Variants in CTDSPL2 observed in about 807,000 individuals in gnomAD.
The protein encoded by CTDSPL2 is CTD small phosphatase like 2.
CTDSPL2 carries 5 observed loss-of-function variants against 60.0 expected under a neutral mutation model. That is an observed-to-expected ratio of 0.08 (90% confidence interval 0.04 to 0.18). The LOEUF is 0.18. Ranked by LOEUF, CTDSPL2 falls within the 10% of genes least tolerant of loss-of-function variation. CTDSPL2 has a pLI of 1.00. For missense variants in CTDSPL2, 370 were observed against 548.8 expected, an observed-to-expected ratio of 0.67 and a Z score of 3.26; for synonymous variants, 186 against 189.3, an observed-to-expected ratio of 0.98 and a Z score of 0.14.
intron 1 of CTDSPL2, among the ~76,000 whole-genome samples, chr15:44,430,808 G>T (rs372143682): frequency 6.6e-6 from 1 of 151,648 alleles, no homozygotes. Context: ...GGCTACAGGG[G>T]GTCATTTGCT....
At chr15:44,478,776 G>A (rs1484721041) in intron 2 of CTDSPL2, among the ~76,000 whole-genome samples, 1 of 152,034 alleles carries the variant, frequency 6.6e-6, no homozygotes, top group East Asian at 1.9e-4. Flanking sequence ...CAGGTCAGGA[G>A]TTCAAGACCA....
At chr15:44,520,846 TATC>T (rs938743499) in intron 11 of CTDSPL2, 1 of 152,220 alleles carries the variant, frequency 6.6e-6, no homozygotes, top group Admixed American at 6.5e-5. Context: ...TATTTCAAGT[TATC>T]ATCCTACTCG....
chr15:44,522,195 G>C (rs2081791119), intron 12 of CTDSPL2, among the ~76,000 whole-genome samples: 1 of 151,874 alleles, frequency 6.6e-6, no homozygotes, highest in Non-Finnish European at 1.5e-5. Flanking sequence ...GACCATGCCT[G>C]TCTAATTTTT....
At chr15:44,495,957 A>C (rs1227394293) in intron 5 of CTDSPL2, among the ~76,000 whole-genome samples, 1 of 152,068 alleles carries the variant, frequency 6.6e-6, no homozygotes, top group Non-Finnish European at 1.5e-5. Context: ...AAAAACCTAC[A>C]TTTGGGTCTG....
rs1474698180 is a variant in CTDSPL2 at position 44,528,545 on chromosome 15, G to T, written c.*4371G>T. 1 of 151,492 alleles carries T rather than the reference G, an allele frequency of 6.6e-6. No individual in the cohort carries two copies. The highest frequency in any genetic ancestry group is 1.5e-5 in the Non-Finnish European group (1 of 67,914). The allele number at this position is 151,492 out of a possible 1,614,324, so 9.4% of individuals were successfully genotyped here. On this transcript the variant is annotated 3_prime_UTR_variant, in exon 13 of 13. Coordinates refer to ENST00000260327, the MANE Select transcript of CTDSPL2 (RefSeq NM_016396.3). ...TTAAACTGGGACCAGATTTCACAGA[G>T]CTTATTCAAGATACATGGAGGAATA... is the stretch of plus-strand genomic sequence containing the variant.
Position 44,461,511 on chromosome 15 carries a change from C to A in CTDSPL2, c.186+2311C>A, listed in dbSNP as rs185923250. 4.5e-3 allele frequency among the ~76,000 whole-genome samples: 674 copies of A among 151,116 alleles called. 4 individuals are homozygous for A. The highest frequency in any genetic ancestry group is 0.016 in the African/African-American group (641 of 41,174). On this transcript the variant is annotated intron_variant, in intron 2 of 12. Transcript: ENST00000260327. Reference sequence around the variant, plus strand: ...TGAGTTGATCCTCCCATCTCAGCTTCCTGAATAGCTAGGACTACAGGCATG... The same window carrying A: ...TGAGTTGATCCTCCCATCTCAGCTTACTGAATAGCTAGGACTACAGGCATG...
chr15:44,464,729 CAG>C (rs1020842011), intron 2 of CTDSPL2, among the ~76,000 whole-genome samples: 3 of 152,074 alleles, frequency 2.0e-5, no homozygotes, highest in Non-Finnish European at 4.4e-5. Flanking sequence ...GTATGTGAGA[CAG>C]AGTCTCTCTC....
chr15:44,427,892 T>TGGTAGGCATGCACTCTTTGGCGCCTC, intron 1 of CTDSPL2, 120 bp downstream of exon 1: 1 of 387,480 alleles, frequency 2.6e-6, no homozygotes, highest in East Asian at 3.7e-5. Flanking sequence ...TCTGGCGCCT[T>TGGTAGGCATGCACTCTTTGGCGCCTC]GGTAGGCATG....
intron 2 of CTDSPL2, among the ~76,000 whole-genome samples, chr15:44,478,808 C>T (rs2140766468): frequency 6.6e-6 from 1 of 151,854 alleles, no homozygotes; most frequent in Middle Eastern, 3.4e-3. Context: ...ATGGTGAAAC[C>T]CTGTCTCTAC....
chr15:44,482,262 A>G (rs565116483), intron 2 of CTDSPL2, among the ~76,000 whole-genome samples: 37 of 152,232 alleles, frequency 2.4e-4, no homozygotes, highest in African/African-American at 8.7e-4. Context: ...GAGTCTCCCA[A>G]GTAGCTGAGA....
At chr15:44,517,763 C>T (rs2081683548) in intron 10 of CTDSPL2, among the ~76,000 whole-genome samples, 2 of 152,190 alleles carry the variant, frequency 1.3e-5, no homozygotes, top group South Asian at 4.1e-4. Context: ...TCAACAGTGA[C>T]TTGAATTTAC....
intron 2 of CTDSPL2, among the ~76,000 whole-genome samples, chr15:44,459,985 T>A (rs2080531404): frequency 6.6e-6 from 1 of 152,048 alleles, no homozygotes; most frequent in Non-Finnish European, 1.5e-5. Context: ...AAGGAGAGAG[T>A]CATTTACCCC....
rs138192560 is a variant in CTDSPL2, at chr15:44,461,425, A to G, written c.186+2225A>G. 2.9e-3 allele frequency among the ~76,000 whole-genome samples: 435 copies of G among 152,102 alleles called. 2 individuals are homozygous for G. The highest frequency in any genetic ancestry group is 0.01 in the African/African-American group (424 of 41,494). ...TTTTTTTTAGACAGGATCTTACTCT[A>G]TTGCCCAGGCTGGAGTGCAGTGATA... On this transcript the variant is annotated intron_variant, in intron 2 of 12. Transcript: ENST00000260327.
chr15:44,495,224 C>G (rs1164010392), intron 5 of CTDSPL2, among the ~76,000 whole-genome samples: 2 of 152,128 alleles, frequency 1.3e-5, no homozygotes, highest in Non-Finnish European at 2.9e-5. Flanking sequence ...CCTGCCTTGG[C>G]CTCCCAAAGT....
Position 44,473,501 on chromosome 15 carries a change from TAGTC to T in CTDSPL2, c.187-10720_187-10717del, listed in dbSNP as rs375111056. On this transcript the variant is annotated intron_variant, in intron 2 of 12. Transcript: ENST00000260327. ...TAGTAGAGACGGGGTTTCACCGTGT[TAGTC>T]AGAATGGTCTCGATCTCCTGACCTT... Among the ~76,000 whole-genome samples, 580 of 151,736 alleles carry T rather than the reference TAGTC, an allele frequency of 3.8e-3. 14 individuals carry two copies. Among genetic ancestry groups the T allele is most frequent in the East Asian group, 0.038 (193 of 5,050 alleles).
At chr15:44,479,090 A>C (rs75116752) in intron 2 of CTDSPL2, among the ~76,000 whole-genome samples, 2 of 151,534 alleles carry the variant, frequency 1.3e-5, no homozygotes, top group Non-Finnish European at 2.9e-5. Context: ...AAAAAAAAAA[A>C]CAAGTTTTCT....
chr15:44,479,258 A>G (rs1489727689), intron 2 of CTDSPL2, among the ~76,000 whole-genome samples: 2 of 151,898 alleles, frequency 1.3e-5, no homozygotes, highest in Non-Finnish European at 2.9e-5. Flanking sequence ...CCTCTTTCTT[A>G]TAAGGTATAA....
chr15:44,444,962 C>G (rs1247769775), intron 1 of CTDSPL2, among the ~76,000 whole-genome samples: 2 of 149,580 alleles, frequency 1.3e-5, no homozygotes, highest in Non-Finnish European at 3.0e-5. Flanking sequence ...ATTCTCCTGC[C>G]TCAGCCTCCC....
chr15:44,429,606 G>A (rs2079816454), intron 1 of CTDSPL2, among the ~76,000 whole-genome samples: 1 of 152,148 alleles, frequency 6.6e-6, no homozygotes, highest in Non-Finnish European at 1.5e-5. Flanking sequence ...GGTGGCTCAC[G>A]CCTGTAATCC....
Sources: gnomAD v4.1 joint callset for allele counts (sites outside exome capture counted in the v4.1 genomes callset) on GRCh38, gnomAD v4.1.1 for gene constraint, MANE v1.5 for transcripts, NCBI Gene and HGNC (gene_info 2026-07-23, HGNC 2026-07-21) for gene names.